Variants in RASSF9 observed in about 807,000 individuals in gnomAD.
The protein encoded by RASSF9 is Ras association domain family member 9.
RASSF9 carries 18 observed loss-of-function variants against 21.4 expected under a neutral mutation model. That is an observed-to-expected ratio of 0.84 (90% confidence interval 0.58 to 1.25). The LOEUF is 1.25. Ranked by LOEUF, RASSF9 falls within the 50% of genes most tolerant of loss-of-function variation. RASSF9 has a pLI of 0.00. For synonymous variants in RASSF9, 183 were observed against 179.1 expected, an observed-to-expected ratio of 1.02 and a Z score of -0.18; for missense variants, 480 against 503.2, an observed-to-expected ratio of 0.95 and a Z score of 0.44.
At chr12:85,807,183 A>G (rs1194278334) in intron 1 of RASSF9, among the ~76,000 whole-genome samples, 1 of 152,158 alleles carries the variant, frequency 6.6e-6, no homozygotes, top group Non-Finnish European at 1.5e-5. Context: ...AGTTCTCAGG[A>G]AAGAATTCCA....
At chr12:85,818,342 T>C (rs930668436) in intron 1 of RASSF9, among the ~76,000 whole-genome samples, 4 of 152,180 alleles carry the variant, frequency 2.6e-5, no homozygotes, top group African/African-American at 9.6e-5. Flanking sequence ...CCTCAGCTAA[T>C]AAGTGGAGTA....
intron 1 of RASSF9, among the ~76,000 whole-genome samples, chr12:85,832,679 T>G (rs1022369289): frequency 8.6e-5 from 13 of 151,910 alleles, no homozygotes; most frequent in Non-Finnish European, 1.8e-4. Flanking sequence ...GAAAACACTT[T>G]CAGAACTTGA....
intron 1 of RASSF9, among the ~76,000 whole-genome samples, chr12:85,835,452 C>T (rs925170306): frequency 6.6e-6 from 1 of 152,102 alleles, no homozygotes; most frequent in African/African-American, 2.4e-5. Flanking sequence ...ATACTATGGG[C>T]ATTTCAAGCT....
At chr12:85,823,883 A>C (rs1489766536) in intron 1 of RASSF9, among the ~76,000 whole-genome samples, 2 of 152,172 alleles carry the variant, frequency 1.3e-5, no homozygotes, top group African/African-American at 2.4e-5. Flanking sequence ...AAAATAATAA[A>C]TTGTTCTTCC....
chr12:85,835,924 C>A (rs1416436438), intron 1 of RASSF9, among the ~76,000 whole-genome samples: 2 of 152,114 alleles, frequency 1.3e-5, no homozygotes, highest in Admixed American at 1.3e-4. Flanking sequence ...TTATTCTCTG[C>A]GATCCTTGAG....
chr12:85,814,121 C>A (rs1051068128), intron 1 of RASSF9, among the ~76,000 whole-genome samples: 1 of 152,120 alleles, frequency 6.6e-6, no homozygotes, highest in East Asian at 1.9e-4. Flanking sequence ...CAGATTGAAG[C>A]ATAAGGCCTG....
intron 1 of RASSF9, among the ~76,000 whole-genome samples, chr12:85,826,695 G>A (rs933390242): frequency 2.0e-5 from 3 of 150,412 alleles, no homozygotes; most frequent in East Asian, 2.0e-4. Context: ...TGCCTGCCTC[G>A]GCCTCCCAAA....
rs182889667 is a variant in RASSF9, at chr12:85,825,814, A to C, written c.47+10341T>G. ...CACACACACACACACACACACACAC[A>C]CCCTTACAGTCTAGTGGAAATAATG... On this transcript the variant is annotated intron_variant, in intron 1 of 1. Coordinates refer to ENST00000361228, the MANE Select transcript of RASSF9 (RefSeq NM_005447.4). Among the ~76,000 whole-genome samples the C allele has an allele frequency of 5.9e-4, 87 of 147,612 alleles. 1 individual carries two copies. In the East Asian group the frequency reaches 9.1e-3, roughly 15 times the overall value.
chr12:85,831,239 C>A (rs1354334493), intron 1 of RASSF9, among the ~76,000 whole-genome samples: 1 of 152,048 alleles, frequency 6.6e-6, no homozygotes, highest in Non-Finnish European at 1.5e-5. Flanking sequence ...CCTGGAACTA[C>A]ATGCCAATAA....
intron 1 of RASSF9, among the ~76,000 whole-genome samples, chr12:85,815,120 T>C (rs907720472): frequency 1.3e-5 from 2 of 151,754 alleles, no homozygotes; most frequent in Non-Finnish European, 1.5e-5. Context: ...TTATTTGCAG[T>C]CTTTACAAGG....
At position 85,805,692 on chromosome 12, in the gene RASSF9, C is replaced by T. The variant is rs1248722832; in HGVS notation, c.318G>A (p.Glu106=). The T allele has an allele frequency of 1.9e-6, 3 of 1,613,874 alleles. No homozygotes were observed. The highest frequency in any genetic ancestry group is 2.5e-6 in the Non-Finnish European group (3 of 1,179,902). The change falls in exon 2 of 2, where the codon GAG becomes GAA. Residue 106 remains glutamate, a synonymous_variant. Transcript: ENST00000361228. ...CCAAAACAAATTGCATATTGGGCTG[C>T]TCATCTCCCCACGCTTTCCAAAGCT... is the stretch of plus-strand genomic sequence containing the variant. ...ILKLWKAWGD[E]QPNMQFVLVK...
At chr12:85,833,960 T>G (rs577615176) in intron 1 of RASSF9, among the ~76,000 whole-genome samples, 1 of 152,116 alleles carries the variant, frequency 6.6e-6, no homozygotes, top group African/African-American at 2.4e-5. Flanking sequence ...ATTCAAATCA[T>G]TATGGAAACT....
chr12:85,826,385 A>G (rs1428441373), intron 1 of RASSF9, among the ~76,000 whole-genome samples: 1 of 151,766 alleles, frequency 6.6e-6, no homozygotes, highest in Non-Finnish European at 1.5e-5. Flanking sequence ...CTTTCTATTT[A>G]AGAAAGTCCT....
At chr12:85,807,890 A>G (rs1056117356) in intron 1 of RASSF9, among the ~76,000 whole-genome samples, 4 of 152,174 alleles carry the variant, frequency 2.6e-5, no homozygotes, top group African/African-American at 4.8e-5. Flanking sequence ...ATGCCTCTTT[A>G]AAAGAATGCT....
Position 85,804,466 on chromosome 12 carries a change from C to A in RASSF9, c.*236G>T, listed in dbSNP as rs1373754968. 1 of 413,494 alleles carries A rather than the reference C, an allele frequency of 2.4e-6. No individual in the cohort carries two copies. The highest frequency in any genetic ancestry group is 4.0e-5 in the Admixed American group (1 of 25,166). 25.6% of individuals were successfully genotyped at this position (413,494 alleles called of 1,614,324 possible). A position where few individuals can be genotyped will look rare whatever the true frequency, so the allele number is the denominator to read the frequency against. ...CCCATCAAATTATTTCTGTGTTCTA[C>A]AACGACAAGCTATTTGTGCTGCATT... On this transcript the variant is annotated 3_prime_UTR_variant, in exon 2 of 2. Coordinates refer to ENST00000361228, the MANE Select transcript of RASSF9 (RefSeq NM_005447.4).
At chr12:85,809,501 T>A (rs1879904819) in intron 1 of RASSF9, among the ~76,000 whole-genome samples, 1 of 152,158 alleles carries the variant, frequency 6.6e-6, no homozygotes, top group South Asian at 2.1e-4. Context: ...CCTGGGTATC[T>A]CCCTTAGCTG....
intron 1 of RASSF9, among the ~76,000 whole-genome samples, chr12:85,829,240 C>G (rs985878867): frequency 6.6e-6 from 1 of 152,060 alleles, no homozygotes; most frequent in African/African-American, 2.4e-5. Context: ...AGCAGTCATA[C>G]GCCATAATTA....
In RASSF9 at chr12:85,804,213, C is replaced by T. The variant is rs1371702483; in HGVS notation, c.*489G>A. On this transcript the variant is annotated 3_prime_UTR_variant, in exon 2 of 2. Transcript: ENST00000361228. ...CATGATACGTTGTATTATCAAGGATCAATTAAAAGAACCAAACTTTGAATT... is the reference window on the plus strand; with the variant it reads ...CATGATACGTTGTATTATCAAGGATTAATTAAAAGAACCAAACTTTGAATT... 6.5e-6 allele frequency: 1 copy of T among 153,518 alleles called. No individual in the cohort carries two copies. Among genetic ancestry groups the T allele is most frequent in the East Asian group, 1.9e-4 (1 of 5,198 alleles). The allele number at this position is 153,518 out of a possible 1,614,324, so 9.5% of individuals were successfully genotyped here.
chr12:85,821,079 C>G (rs61930072), intron 1 of RASSF9, among the ~76,000 whole-genome samples: 13,089 of 151,738 alleles, frequency 0.086, 651 homozygotes, highest in Middle Eastern at 0.18. Flanking sequence ...GGGAGGTAGA[C>G]GTTGCAGTGA....
Sources: gnomAD v4.1 joint callset for allele counts (sites outside exome capture counted in the v4.1 genomes callset) on GRCh38, gnomAD v4.1.1 for gene constraint, MANE v1.5 for transcripts, NCBI Gene and HGNC (gene_info 2026-07-23, HGNC 2026-07-21) for gene names.